LRIG1: variants seen among roughly 807,000 people sequenced by gnomAD.
LRIG1 encodes the protein leucine rich repeats and immunoglobulin like domains 1, also known as leucine-rich repeats and immunoglobulin-like domains protein 1.
A neutral mutation model predicts 99.2 loss-of-function variants in LRIG1; 48 were observed. The ratio of observed to expected loss-of-function variants is 0.48; its 90% CI spans 0.38 to 0.62. The LOEUF is 0.62. Ranked by LOEUF, LRIG1 falls within the 20% of genes least tolerant of loss-of-function variation. LRIG1 has a pLI of 0.00. For missense variants in LRIG1, 1,646 were observed against 1,434.4 expected (o/e 1.15, Z -2.38); for synonymous variants, 772 against 596.1 (o/e 1.29, Z -4.30).
At chr3:66,453,310 GCTGA>G (rs770523313) in intron 2 of LRIG1, among the ~76,000 whole-genome samples, 3 of 152,190 alleles carry the variant, frequency 2.0e-5, no homozygotes, top group Admixed American at 6.5e-5. Context: ...ATTAATGAAG[GCTGA>G]CTATGTGCCA....
chr3:66,474,568 A>C (rs1341182818), intron 1 of LRIG1, among the ~76,000 whole-genome samples: 2 of 150,954 alleles, frequency 1.3e-5, no homozygotes, highest in Non-Finnish European at 3.0e-5. Context: ...CTGGTCTTGA[A>C]CTCCTGACCT....
intron 5 of LRIG1, among the ~76,000 whole-genome samples, chr3:66,414,373 G>A (rs183460436): frequency 2.1e-4 from 32 of 151,840 alleles, no homozygotes; most frequent in Non-Finnish European, 4.4e-4. Context: ...CCCCACCTGG[G>A]GGACAGAGCG....
intron 3 of LRIG1, among the ~76,000 whole-genome samples, chr3:66,447,648 T>C (rs1192232813): frequency 6.6e-6 from 1 of 152,176 alleles, no homozygotes; most frequent in East Asian, 1.9e-4. Context: ...AGGCCAACCC[T>C]ATGGGTAATA....
intron 1 of LRIG1, among the ~76,000 whole-genome samples, chr3:66,476,954 A>G (rs964643350): frequency 1.2e-4 from 19 of 152,218 alleles, no homozygotes; most frequent in African/African-American, 4.1e-4. Flanking sequence ...ATGCACTGTG[A>G]CGCACGACAC....
chr3:66,414,692 G>A (rs934064759), intron 5 of LRIG1, among the ~76,000 whole-genome samples: 4 of 152,196 alleles, frequency 2.6e-5, no homozygotes, highest in African/African-American at 9.7e-5. Context: ...AAAACATCAG[G>A]GAAGAAAAGC....
In LRIG1 at chr3:66,380,277, C is replaced by T; in HGVS notation, c.3268G>A (p.Ala1090Thr). 1 of 1,610,308 alleles carries T rather than the reference C, an allele frequency of 6.2e-7. No homozygotes were observed. Among genetic ancestry groups the T allele is most frequent in the South Asian group, 1.1e-5 (1 of 90,802 alleles). ...PGKQRVPLLL[A>T]PKS The stretch of plus-strand genomic sequence containing the variant: ...GTAGACAAAACCTAGCTTTTTGGTG[C>T]CAACAGCAGTGGCACCCTCTGTTTC... Residue 1090 changes from alanine (A) to threonine (T), a missense_variant, in exon 19 of 19, where the codon GCA becomes ACA. Coordinates refer to ENST00000273261, the MANE Select transcript of LRIG1 (RefSeq NM_015541.3).
At chr3:66,429,063 G>A (rs13078828) in intron 3 of LRIG1, among the ~76,000 whole-genome samples, 3,977 of 152,326 alleles carry the variant, frequency 0.026, 87 homozygotes, top group Non-Finnish European at 0.042. Context: ...GCAGGACTGG[G>A]CTGTGTCAAC....
chr3:66,394,001 C>A, intron 12 of LRIG1, 39 bp downstream of exon 12: 1 of 1,609,258 alleles, frequency 6.2e-7, no homozygotes, highest in South Asian at 1.1e-5. Flanking sequence ...CTTCCTTGTC[C>A]TTCATGAAGG....
chr3:66,385,505 T>A (rs144646861), intron 13 of LRIG1, among the ~76,000 whole-genome samples: 1 of 152,346 alleles, frequency 6.6e-6, no homozygotes, highest in African/African-American at 2.4e-5. Context: ...CAGGCTGGAA[T>A]GCAGTGGAGT....
chr3:66,402,970 T>C (rs1043207964), intron 9 of LRIG1, among the ~76,000 whole-genome samples: 2 of 152,326 alleles, frequency 1.3e-5, no homozygotes, highest in Middle Eastern at 3.4e-3. Flanking sequence ...ACACCTGTGA[T>C]AGGCCAAACA....
intron 1 of LRIG1, among the ~76,000 whole-genome samples, chr3:66,483,878 T>G (rs539360622): frequency 8.5e-5 from 13 of 152,184 alleles, no homozygotes; most frequent in Non-Finnish European, 1.5e-4. Context: ...CCACCAGCAA[T>G]CCAGCAGGGA....
chr3:66,447,909 T>A (rs981961296), intron 3 of LRIG1, among the ~76,000 whole-genome samples: 1 of 152,150 alleles, frequency 6.6e-6, no homozygotes, highest in Non-Finnish European at 1.5e-5. Flanking sequence ...GAAAGAAATC[T>A]CAAACGTGAA....
intron 9 of LRIG1, among the ~76,000 whole-genome samples, chr3:66,401,963 G>A (rs1034893401): frequency 7.2e-5 from 11 of 152,118 alleles, no homozygotes; most frequent in Admixed American, 2.0e-4. Flanking sequence ...AAGTAGCCGC[G>A]ACATGTGCAC....
chr3:66,466,469 T>A (rs1308379929), intron 1 of LRIG1, among the ~76,000 whole-genome samples: 2 of 152,264 alleles, frequency 1.3e-5, no homozygotes, highest in African/African-American at 4.8e-5. Flanking sequence ...GATGTTGCTA[T>A]CAACATTGCC....
rs148336664 is a variant in LRIG1, at chr3:66,380,146, A to T, written c.*117T>A. 317 of 772,022 alleles carry T rather than the reference A, an allele frequency of 4.1e-4. 1 individual carries two copies. In the African/African-American group the frequency reaches 4.8e-3, roughly 12 times the overall value. 47.8% of individuals were successfully genotyped at this position (772,022 alleles called of 1,614,324 possible). ...AAGTCCTGTGAGCGACTGATACTCCACATGGGAGTTACAACTATGTACAGA... is the reference window on the plus strand; with the variant it reads ...AAGTCCTGTGAGCGACTGATACTCCTCATGGGAGTTACAACTATGTACAGA... On this transcript the variant is annotated 3_prime_UTR_variant, in exon 19 of 19. Coordinates refer to ENST00000273261, the MANE Select transcript of LRIG1 (RefSeq NM_015541.3).
At chr3:66,498,565 A>T (rs763169960) in intron 1 of LRIG1, among the ~76,000 whole-genome samples, 8 of 111,400 alleles carry the variant, frequency 7.2e-5, no homozygotes, top group South Asian at 2.3e-4. Flanking sequence ...GATTCTATTT[A>T]AAAAAAAAAA....
chr3:66,496,470 A>C (rs1399328914), intron 1 of LRIG1, among the ~76,000 whole-genome samples: 9 of 152,204 alleles, frequency 5.9e-5, no homozygotes, highest in Admixed American at 2.6e-4. Flanking sequence ...CTATCAACAG[A>C]CAAGTTATCC....
At chr3:66,404,999 G>T (rs1230335410) in intron 9 of LRIG1, among the ~76,000 whole-genome samples, 199 bp downstream of exon 9, 2 of 152,158 alleles carry the variant, frequency 1.3e-5, no homozygotes, top group South Asian at 2.1e-4. Flanking sequence ...CAACACCCAG[G>T]CCATCAAGGA....
chr3:66,444,692 T>A (rs907912524), intron 3 of LRIG1, among the ~76,000 whole-genome samples: 1 of 152,160 alleles, frequency 6.6e-6, no homozygotes, highest in Non-Finnish European at 1.5e-5. Flanking sequence ...GTGACTTGTG[T>A]CTCAGCAAGC....
Sources: gnomAD v4.1 joint callset for allele counts (sites outside exome capture counted in the v4.1 genomes callset) on GRCh38, gnomAD v4.1.1 for gene constraint, MANE v1.5 for transcripts, NCBI Gene and HGNC (gene_info 2026-07-23, HGNC 2026-07-21) for gene names.